Variants in CADPS2 observed in about 807,000 individuals in gnomAD.
The protein encoded by CADPS2 is calcium dependent secretion activator 2, also known as calcium-dependent secretion activator 2.
CADPS2 carries 93 observed loss-of-function variants against 172.5 expected under a neutral mutation model. The observed-to-expected ratio is 0.54, with a 90% CI of 0.46 to 0.64. The LOEUF (loss-of-function observed/expected upper bound fraction) is 0.64. Ranked by LOEUF, CADPS2 falls within the 30% of genes least tolerant of loss-of-function variation. CADPS2 has a pLI of 0.00. For synonymous variants in CADPS2, 546 were observed against 555.2 expected, an observed-to-expected ratio of 0.98 and a Z score of 0.23; for missense variants, 1,420 against 1,565.9, an observed-to-expected ratio of 0.91 and a Z score of 1.57.
At chr7:122,523,980 T>C (rs2061012152) in intron 8 of CADPS2, among the ~76,000 whole-genome samples, 1 of 152,166 alleles carries the variant, frequency 6.6e-6, no homozygotes, top group Non-Finnish European at 1.5e-5. Context: ...AGTAAGCCTA[T>C]GGCACATTCC....
chr7:122,804,213 C>T (rs1397337076), intron 1 of CADPS2, among the ~76,000 whole-genome samples: 1 of 152,162 alleles, frequency 6.6e-6, no homozygotes, highest in East Asian at 1.9e-4. Context: ...ATTAGCAGAA[C>T]CAGTATTTCT....
At chr7:122,408,504 G>A (rs903063414) in intron 19 of CADPS2, among the ~76,000 whole-genome samples, 1 of 152,010 alleles carries the variant, frequency 6.6e-6, no homozygotes, top group African/African-American at 2.4e-5. Flanking sequence ...AGCTTACTGC[G>A]ACCTCTGCCT....
intron 7 of CADPS2, among the ~76,000 whole-genome samples, chr7:122,570,975 T>C (rs1314058173): frequency 2.6e-5 from 4 of 152,072 alleles, no homozygotes; most frequent in Non-Finnish European, 5.9e-5. Flanking sequence ...ATGGCACATG[T>C]ATACATATGT....
chr7:122,467,547 T>A, intron 14 of CADPS2, among the ~76,000 whole-genome samples: 1 of 152,318 alleles, frequency 6.6e-6, no homozygotes. Flanking sequence ...TTATTTTATA[T>A]ATAAAACTAC....
chr7:122,485,946 C>G (rs1406765662), intron 11 of CADPS2, among the ~76,000 whole-genome samples: 2 of 152,130 alleles, frequency 1.3e-5, no homozygotes, highest in Non-Finnish European at 2.9e-5. Context: ...ACTGAAAGAA[C>G]AAGCCCAGAT....
At chr7:122,827,532 T>G (rs1446261586) in intron 1 of CADPS2, among the ~76,000 whole-genome samples, 1 of 151,540 alleles carries the variant, frequency 6.6e-6, no homozygotes, top group Non-Finnish European at 1.5e-5. Flanking sequence ...CTTGGGAGGC[T>G]GAGGCAGGAG....
At chr7:122,860,043 C>T (rs551535353) in intron 1 of CADPS2, among the ~76,000 whole-genome samples, 19 of 151,986 alleles carry the variant, frequency 1.3e-4, no homozygotes, top group Non-Finnish European at 2.6e-4. Flanking sequence ...CCAAATAGAA[C>T]GTTCTGGGAT....
rs143541997 is a variant in CADPS2 at position 122,682,318 on chromosome 7, G to A, written c.454-18749C>T. On this transcript the variant is annotated intron_variant, in intron 2 of 29. Coordinates refer to ENST00000449022, the MANE Select transcript of CADPS2 (RefSeq NM_017954.11). ...AATTTCTAGAGAAAAGCTTCTACAC[G>A]TAGCCACAAAGTCAAAGAAGATACC... Among the ~76,000 whole-genome samples, 1,208 of 152,232 alleles carry A rather than the reference G, an allele frequency of 7.9e-3. 16 individuals carry two copies. The highest frequency in any genetic ancestry group is 0.028 in the African/African-American group (1,143 of 41,540).
At chr7:122,705,357 AAG>A (rs1413790034) in intron 2 of CADPS2, among the ~76,000 whole-genome samples, 3 of 148,730 alleles carry the variant, frequency 2.0e-5, no homozygotes, top group African/African-American at 4.9e-5. Context: ...CCAAATATTG[AAG>A]AGTTTTTCAT....
Position 122,879,154 on chromosome 7 carries a change from T to C in CADPS2, c.339+6845A>G, listed in dbSNP as rs1256060074. On this transcript the variant is annotated intron_variant, in intron 1 of 29. Coordinates refer to ENST00000449022, the MANE Select transcript of CADPS2 (RefSeq NM_017954.11). Reference sequence around the variant, plus strand: ...CGAGAGGCCGAGGCACAAGAATCAGTTGAACGCGGGAGGCAGAGGTTGCAG... The same window carrying C: ...CGAGAGGCCGAGGCACAAGAATCAGCTGAACGCGGGAGGCAGAGGTTGCAG... 2.0e-5 allele frequency among the ~76,000 whole-genome samples: 3 copies of C among 151,032 alleles called. No homozygotes were observed. The South Asian group carries it at 6.3e-4, about 32-fold the overall frequency.
intron 3 of CADPS2, among the ~76,000 whole-genome samples, chr7:122,642,566 A>G (rs12538945): frequency 1.5e-5 from 2 of 137,712 alleles, no homozygotes; most frequent in Non-Finnish European, 3.1e-5. Flanking sequence ...TTTTTTTTTT[A>G]CAACTTATTA....
chr7:122,648,683 C>T (rs1002717422), intron 3 of CADPS2, among the ~76,000 whole-genome samples: 5 of 152,118 alleles, frequency 3.3e-5, no homozygotes, highest in African/African-American at 1.2e-4. Flanking sequence ...TTTATCTTGT[C>T]CCTTTAGAGA....
chr7:122,408,319 A>T (rs2046910521), intron 19 of CADPS2, among the ~76,000 whole-genome samples: 1 of 152,166 alleles, frequency 6.6e-6, no homozygotes, highest in African/African-American at 2.4e-5. Context: ...AACTTCTAAT[A>T]ATTACTGGAT....
intron 1 of CADPS2, among the ~76,000 whole-genome samples, chr7:122,784,822 T>C (rs191234958): frequency 3.3e-5 from 5 of 152,212 alleles, no homozygotes; most frequent in Admixed American, 2.6e-4. Context: ...CTAGACCTTA[T>C]TAAGCCTTTT....
intron 14 of CADPS2, among the ~76,000 whole-genome samples, chr7:122,453,296 T>C (rs1177816759): frequency 6.6e-6 from 1 of 152,154 alleles, no homozygotes; most frequent in Non-Finnish European, 1.5e-5. Flanking sequence ...CAGTGCACCA[T>C]GAGCTAATAC....
chr7:122,818,727 C>G (rs1369384439), intron 1 of CADPS2, among the ~76,000 whole-genome samples: 2 of 152,148 alleles, frequency 1.3e-5, no homozygotes, highest in African/African-American at 4.8e-5. Context: ...TAGCCCTCCC[C>G]ATCCTGCCCA....
intron 1 of CADPS2, among the ~76,000 whole-genome samples, chr7:122,852,007 A>C (rs759225789): frequency 1.3e-5 from 2 of 152,236 alleles, no homozygotes; most frequent in Non-Finnish European, 2.9e-5. Context: ...CAGGAAACTG[A>C]GGCATAAGCC....
intron 7 of CADPS2, among the ~76,000 whole-genome samples, chr7:122,559,588 A>G (rs945224306): frequency 1.2e-4 from 18 of 151,948 alleles, no homozygotes; most frequent in Admixed American, 7.9e-4. Flanking sequence ...TGACCAACAT[A>G]GTGAAACCTC....
intron 2 of CADPS2, among the ~76,000 whole-genome samples, chr7:122,716,756 T>C (rs1314201754): frequency 6.6e-6 from 1 of 151,920 alleles, no homozygotes; most frequent in African/African-American, 2.4e-5. Flanking sequence ...AGGTAAATCA[T>C]GAGGAGGGAG....
Sources: allele counts gnomAD v4.1 joint callset (sites outside exome capture counted in the v4.1 genomes callset), GRCh38; gene constraint gnomAD v4.1.1; transcripts MANE v1.5; gene names NCBI Gene and HGNC (gene_info 2026-07-23, HGNC 2026-07-21).